The following CTNNA3 variants were observed in gnomAD, a reference collection of about 807,000 sequenced individuals.
CTNNA3 encodes the protein catenin alpha-3.
Under a neutral mutation model 95.7 loss-of-function variants are expected in CTNNA3, and 76 were observed. That is an observed-to-expected ratio of 0.79 (90% CI 0.66 to 0.96). The LOEUF (loss-of-function observed/expected upper bound fraction) is 0.96, where lower values mean the gene tolerates loss of function less well. Ranked by LOEUF, CTNNA3 falls within the 40% of genes least tolerant of loss-of-function variation. The pLI is 0.00. For synonymous variants in CTNNA3, 431 were observed against 374.4 expected (o/e 1.15, Z -1.74); for missense variants, 1,191 against 1,089.8 (o/e 1.09, Z -1.31).
chr10:67,694,314 C>CT (rs1840923266), intron 1 of CTNNA3, among the ~76,000 whole-genome samples: 1 of 151,972 alleles, frequency 6.6e-6, no homozygotes, highest in African/African-American at 2.4e-5. Context: ...ATTTTGGTAT[C>CT]TATGTGCCTG....
intron 10 of CTNNA3, among the ~76,000 whole-genome samples, chr10:66,598,175 T>C (rs1268022460): frequency 6.6e-6 from 1 of 151,996 alleles, no homozygotes; most frequent in Non-Finnish European, 1.5e-5. Flanking sequence ...AACATCTCAA[T>C]AGATGAAGAA....
chr10:66,338,514 C>G (rs894527905), intron 12 of CTNNA3, among the ~76,000 whole-genome samples: 1 of 151,754 alleles, frequency 6.6e-6, no homozygotes, highest in Non-Finnish European at 1.5e-5. Flanking sequence ...AAGGAACATA[C>G]AGTAGTTAAA....
At chr10:67,671,758 G>C (rs61869468) in intron 1 of CTNNA3, among the ~76,000 whole-genome samples, 3 of 151,274 alleles carry the variant, frequency 2.0e-5, no homozygotes, top group African/African-American at 7.3e-5. Context: ...CCAGTCTATC[G>C]TTGTTGGACA....
In CTNNA3 at chr10:67,413,618, C is replaced by T. The variant is rs147968686; in HGVS notation, c.579+108224G>A. Among the ~76,000 whole-genome samples the T allele has an allele frequency of 1.5e-3, 234 of 152,238 alleles. 3 individuals carry two copies. Among genetic ancestry groups the T allele is most frequent in the African/African-American group, 5.4e-3 (226 of 41,554 alleles). On this transcript the variant is annotated intron_variant, in intron 5 of 17. Transcript: ENST00000433211. ...TATAAAGCACTCCATCCAACAACCA[C>T]AGAATATGCATTCTTCTCATCTGCA...
At chr10:66,814,493 G>T (rs910683462) in intron 7 of CTNNA3, among the ~76,000 whole-genome samples, 6 of 152,106 alleles carry the variant, frequency 3.9e-5, no homozygotes, top group African/African-American at 1.4e-4. Context: ...GGGTGCAGTG[G>T]ATCACACCTG....
intron 11 of CTNNA3, among the ~76,000 whole-genome samples, chr10:66,489,075 C>T (rs563924619): frequency 4.6e-5 from 7 of 152,168 alleles, no homozygotes; most frequent in African/African-American, 1.7e-4. Context: ...AGAAGACAGA[C>T]GTAGTGAATC....
intron 1 of CTNNA3, among the ~76,000 whole-genome samples, chr10:67,722,382 A>C (rs2133620339): frequency 6.6e-6 from 1 of 152,288 alleles, no homozygotes. Flanking sequence ...GCAAAGCATG[A>C]ATCATATGTC....
chr10:67,524,330 G>T (rs1206249727), intron 4 of CTNNA3, among the ~76,000 whole-genome samples: 1 of 150,004 alleles, frequency 6.7e-6, no homozygotes, highest in Non-Finnish European at 1.5e-5. Context: ...CCCGGCAGGC[G>T]GAGCTTGCAA....
intron 5 of CTNNA3, among the ~76,000 whole-genome samples, chr10:67,447,797 G>A (rs1846813155): frequency 6.6e-6 from 1 of 152,116 alleles, no homozygotes; most frequent in Non-Finnish European, 1.5e-5. Flanking sequence ...CCAGGATAAA[G>A]TCTCCCCAAG....
intron 14 of CTNNA3, among the ~76,000 whole-genome samples, chr10:66,077,285 T>C (rs1262226886): frequency 1.3e-5 from 2 of 151,828 alleles, no homozygotes; most frequent in African/African-American, 4.8e-5. Context: ...TACTAGTGAT[T>C]AAACATTTCT....
At chr10:67,446,998 G>A (rs1000887834) in intron 5 of CTNNA3, among the ~76,000 whole-genome samples, 13 of 152,154 alleles carry the variant, frequency 8.5e-5, no homozygotes, top group East Asian at 3.9e-4. Context: ...CCAGCTACTC[G>A]GGAGGCTGAG....
intron 11 of CTNNA3, among the ~76,000 whole-genome samples, chr10:66,389,715 T>C: frequency 7.9e-6 from 1 of 126,512 alleles, no homozygotes. Flanking sequence ...TTCATTCATA[T>C]ATATATATGG....
intron 11 of CTNNA3, among the ~76,000 whole-genome samples, chr10:66,506,619 C>A (rs1161650712): frequency 6.6e-6 from 1 of 152,144 alleles, no homozygotes; most frequent in East Asian, 1.9e-4. Context: ...GATTCATATA[C>A]ACCAGATTGT....
At chr10:67,747,842 G>A (rs1841381801) in intron 1 of CTNNA3, among the ~76,000 whole-genome samples, 1 of 152,120 alleles carries the variant, frequency 6.6e-6, no homozygotes. Context: ...CTAACCTAAC[G>A]CAAAGAAGCT....
intron 4 of CTNNA3, 93 bp from the exon 5 acceptor site, chr10:67,522,054 A>G: frequency 2.4e-6 from 3 of 1,242,614 alleles, no homozygotes; most frequent in Admixed American, 2.1e-5. Context: ...AATGAGCCTC[A>G]GTTTCTCCCA....
At chr10:66,660,439 G>T (rs929174874) in intron 9 of CTNNA3, among the ~76,000 whole-genome samples, 1 of 152,100 alleles carries the variant, frequency 6.6e-6, no homozygotes, top group Non-Finnish European at 1.5e-5. Flanking sequence ...TATTTCTTTA[G>T]GGACAACCTT....
intron 5 of CTNNA3, among the ~76,000 whole-genome samples, chr10:67,239,312 G>A (rs369475606): frequency 8.0e-5 from 12 of 149,212 alleles, no homozygotes; most frequent in African/African-American, 3.0e-4. Flanking sequence ...TAATAGTCCC[G>A]ACCTGGACAC....
intron 5 of CTNNA3, among the ~76,000 whole-genome samples, chr10:67,429,603 T>C (rs2132892054): frequency 6.6e-6 from 1 of 152,154 alleles, no homozygotes; most frequent in Admixed American, 6.6e-5. Context: ...CCATTTGTAT[T>C]TGCTAGAAAC....
In CTNNA3 at chr10:67,719,238, TA is replaced by T. The variant is rs966561349; in HGVS notation, c.-2+44195del. ...GCTAGTGGTCTATTTTGTTAATCTT[TA>T]AAAAAAAACAGTTCCTGGATTCATT... On this transcript the variant is annotated intron_variant, in intron 1 of 17. Coordinates refer to the CTNNA3 transcript ENST00000684154. Among the ~76,000 whole-genome samples, 52 of 151,174 alleles carry T rather than the reference TA, an allele frequency of 3.4e-4. 2 individuals carry two copies. Among genetic ancestry groups the T allele is most frequent in the Admixed American group, 8.6e-4 (13 of 15,142 alleles).
Sources: gnomAD v4.1 joint callset for allele counts (sites outside exome capture counted in the v4.1 genomes callset) on GRCh38, gnomAD v4.1.1 for gene constraint, MANE v1.5 for transcripts, NCBI Gene and HGNC (gene_info 2026-07-23, HGNC 2026-07-21) for gene names.